Variants in AUTS2 observed in about 807,000 individuals in gnomAD.
AUTS2 encodes autism susceptibility gene 2 protein.
A neutral mutation model predicts 112.4 loss-of-function variants in AUTS2; 17 were observed. The ratio of observed to expected loss-of-function variants is 0.15; its 90% CI spans 0.10 to 0.23. The LOEUF (loss-of-function observed/expected upper bound fraction) is 0.23. Ranked by LOEUF, AUTS2 falls within the 10% of genes least tolerant of loss-of-function variation. The pLI, the probability that AUTS2 is intolerant of heterozygous loss-of-function variation, is 1.00. For missense variants in AUTS2, 1,510 were observed against 1,701.6 expected (o/e 0.89, Z 1.98); for synonymous variants, 751 against 702.7 (o/e 1.07, Z -1.09).
At chr7:70,656,564 G>A (rs1447244503) in intron 5 of AUTS2, among the ~76,000 whole-genome samples, 2 of 152,158 alleles carry the variant, frequency 1.3e-5, no homozygotes, top group Non-Finnish European at 2.9e-5. Context: ...TATTATTTCA[G>A]TACTTTCCAT....
intron 6 of AUTS2, chr7:70,729,211 G>A (rs780545012): frequency 4.6e-5 from 21 of 456,396 alleles, no homozygotes; most frequent in Non-Finnish European, 6.2e-5. Context: ...CTCCCGTGCC[G>A]ATGGTTAAAG....
intron 1 of AUTS2, among the ~76,000 whole-genome samples, chr7:69,724,602 T>C (rs929825332): frequency 3.9e-5 from 6 of 152,218 alleles, no homozygotes; most frequent in Non-Finnish European, 8.8e-5. Flanking sequence ...CAGAATTGGT[T>C]AACTTTCTGG....
At chr7:70,599,772 C>T (rs1803379787) in intron 5 of AUTS2, among the ~76,000 whole-genome samples, 1 of 152,176 alleles carries the variant, frequency 6.6e-6, no homozygotes. Flanking sequence ...ACACGGGAAG[C>T]TACACAGCTA....
At chr7:70,163,405 G>A (rs1382867808) in intron 4 of AUTS2, among the ~76,000 whole-genome samples, 3 of 135,502 alleles carry the variant, frequency 2.2e-5, no homozygotes, top group African/African-American at 5.4e-5. Context: ...GATATCTTTA[G>A]CAATTGATAC....
chr7:70,781,738 A>C lies in AUTS2; in HGVS notation c.2128A>C (p.Thr710Pro). 6.2e-7 allele frequency: 1 copy of C among 1,614,118 alleles called. No homozygotes were observed. Among genetic ancestry groups the C allele is most frequent in the Non-Finnish European group, 8.5e-7 (1 of 1,179,984 alleles). ...HHPHDLARPS[T>P]LFSAAGAAHP... ...CCCCCATGACCTGGCACGGCCTTCA[A>C]CTTTGTTCTCTGCCGCTGGTGAGTG... Residue 710 changes from threonine to proline, a missense_variant, in exon 15 of 19, where the codon ACT becomes CCT. By Grantham distance (38) the Thr-to-Pro change is conservative. Around this residue, in one of 3 missense-constraint regions of AUTS2, gnomAD observed 788 missense variants for 797.6 expected, o/e 0.99. Coordinates refer to ENST00000342771, the MANE Select transcript of AUTS2 (RefSeq NM_015570.4).
Position 70,787,374 on chromosome 7 carries a change from A to T in AUTS2, c.2474A>T (p.Asp825Val). The T allele has an allele frequency of 5.6e-6, 9 of 1,614,096 alleles. No individual in the cohort carries two copies. The highest frequency in any genetic ancestry group is 7.6e-6 in the Non-Finnish European group (9 of 1,179,984). ...LERSASAAAH[D>V]RDRDVDKRDS... ...CGCAGCGCGTCCGCTGCAGCTCATG[A>T]CAGAGATAGAGATGTAGATAAACGA... is the stretch of plus-strand genomic sequence containing the variant. Residue 825 changes from aspartate (D) to valine (V), a missense_variant, in exon 18 of 19, where the codon GAC (aspartate) becomes GTC (valine). By Grantham distance (152) the Asp-to-Val change is radical. This residue lies in a region of AUTS2 where 788 missense variants were observed against 797.6 expected (regional missense o/e 0.99). Coordinates refer to ENST00000342771, the MANE Select transcript of AUTS2 (RefSeq NM_015570.4).
At chr7:69,935,716 G>A (rs1024749670) in intron 2 of AUTS2, among the ~76,000 whole-genome samples, 2 of 152,158 alleles carry the variant, frequency 1.3e-5, no homozygotes, top group Admixed American at 1.3e-4. Context: ...AAATACCTGC[G>A]GAATATGTAG....
intron 1 of AUTS2, among the ~76,000 whole-genome samples, chr7:69,881,371 A>AT (rs34319045): frequency 0.091 from 12,480 of 136,660 alleles, 641 homozygotes; most frequent in African/African-American, 0.16. Context: ...CAATAAACCC[A>AT]TTTTTTTTTT....
intron 1 of AUTS2, among the ~76,000 whole-genome samples, chr7:69,793,931 G>T (rs907274500): frequency 6.6e-6 from 1 of 152,222 alleles, no homozygotes; most frequent in South Asian, 2.1e-4. Flanking sequence ...AAGCAAAGCT[G>T]CAGAGGCAGC....
intron 5 of AUTS2, among the ~76,000 whole-genome samples, chr7:70,527,048 C>G (rs984072842): frequency 6.6e-6 from 1 of 152,196 alleles, no homozygotes; most frequent in African/African-American, 2.4e-5. Context: ...ATTCTTGGTG[C>G]TGGTATCACA....
intron 1 of AUTS2, among the ~76,000 whole-genome samples, chr7:69,712,522 T>G (rs1798376197): frequency 1.3e-5 from 2 of 152,190 alleles, no homozygotes; most frequent in South Asian, 4.1e-4. Context: ...TTAGCATAAT[T>G]AAGATTCATC....
chr7:70,269,378 T>C (rs960061449), intron 4 of AUTS2, among the ~76,000 whole-genome samples: 3 of 150,442 alleles, frequency 2.0e-5, no homozygotes, highest in African/African-American at 4.9e-5. Flanking sequence ...TCCTATTACC[T>C]TTTCAGACCT....
rs993574277 is a variant in AUTS2 at position 70,371,953 on chromosome 7, C to A, written c.661-63799C>A. ...TCTAGGACTAAAGTATGTTTTTTCT[C>A]TTTAGGGATTGAGGGCCATTTTTGT... On this transcript the variant is annotated intron_variant, in intron 4 of 18. Coordinates refer to ENST00000342771, the MANE Select transcript of AUTS2 (RefSeq NM_015570.4). Among the ~76,000 whole-genome samples the A allele has an allele frequency of 4.6e-5, 7 of 152,036 alleles. 1 individual carries two copies. Among genetic ancestry groups the A allele is most frequent in the South Asian group, 4.1e-4 (2 of 4,824 alleles).
intron 5 of AUTS2, among the ~76,000 whole-genome samples, chr7:70,529,744 G>A (rs1319873644): frequency 6.6e-6 from 1 of 152,156 alleles, no homozygotes; most frequent in African/African-American, 2.4e-5. Flanking sequence ...ATTTGGAGAG[G>A]AACAATGGAG....
intron 5 of AUTS2, among the ~76,000 whole-genome samples, chr7:70,532,032 T>C (rs1476952522): frequency 6.6e-6 from 1 of 152,156 alleles, no homozygotes; most frequent in Non-Finnish European, 1.5e-5. Context: ...CTGATTGGTC[T>C]GGGGATGGTG....
In AUTS2 at chr7:70,463,930, C is replaced by G. The variant is rs77071591; in HGVS notation, c.690+28149C>G. ...ATACTTAGAGAAAGTGAAATTAATC[C>G]ATGTGGGTCAAATGCAGCTATTAAT... On this transcript the variant is annotated intron_variant, in intron 5 of 18. Transcript: ENST00000342771. Among the ~76,000 whole-genome samples, 98 of 152,252 alleles carry G rather than the reference C, an allele frequency of 6.4e-4. No homozygotes were observed. In the East Asian group the frequency reaches 0.017, roughly 27 times the overall value.
At chr7:69,990,107 G>T (rs1487395240) in intron 2 of AUTS2, among the ~76,000 whole-genome samples, 1 of 152,172 alleles carries the variant, frequency 6.6e-6, no homozygotes, top group Non-Finnish European at 1.5e-5. Flanking sequence ...ATACAAAGTT[G>T]CAGTCTGAAT....
At chr7:69,622,899 T>C (rs1261841206) in intron 1 of AUTS2, among the ~76,000 whole-genome samples, 3 of 152,192 alleles carry the variant, frequency 2.0e-5, no homozygotes, top group Non-Finnish European at 2.9e-5. Context: ...GCCTCCTAAG[T>C]AGTTGGGACC....
At position 70,645,544 on chromosome 7, in the gene AUTS2, T is replaced by C. The variant is rs184210032; in HGVS notation, c.691-53025T>C. Among the ~76,000 whole-genome samples, 349 of 152,088 alleles carry C rather than the reference T, an allele frequency of 2.3e-3. 3 individuals are homozygous for C. Among genetic ancestry groups the C allele is most frequent in the Admixed American group, 4.3e-3 (66 of 15,284 alleles). On this transcript the variant is annotated intron_variant, in intron 5 of 18. Transcript: ENST00000342771. Reference sequence around the variant, plus strand: ...TTTCACATTTTCCAGCTAAGTGTGGTTTTTTCCCATAGAGTTTTCTGGCCG... The same window carrying C: ...TTTCACATTTTCCAGCTAAGTGTGGCTTTTTCCCATAGAGTTTTCTGGCCG...
Sources: allele counts gnomAD v4.1 joint callset (sites outside exome capture counted in the v4.1 genomes callset), GRCh38; gene constraint gnomAD v4.1.1; regional missense constraint gnomAD v4.1.1; transcripts MANE v1.5; gene names NCBI Gene and HGNC (gene_info 2026-07-23, HGNC 2026-07-21).